The following ATP8B4 variants were observed in gnomAD, a reference collection of about 807,000 sequenced individuals.
ATP8B4 encodes probable phospholipid-transporting ATPase IM.
Under a neutral mutation model 145.6 loss-of-function variants are expected in ATP8B4, and 133 were observed. The ratio of observed to expected loss-of-function variants is 0.91; its 90% CI spans 0.79 to 1.05. The LOEUF is 1.05. Among genes scored for constraint, ATP8B4 ranks in the 50% least tolerant of loss-of-function variants. The pLI is 0.00. For missense variants in ATP8B4, 1,458 were observed against 1,425.2 expected, an observed-to-expected ratio of 1.02 and a Z score of -0.37; for synonymous variants, 507 against 492.9, an observed-to-expected ratio of 1.03 and a Z score of -0.38.
chr15:50,103,832 T>C (rs773950606), intron 2 of ATP8B4, among the ~76,000 whole-genome samples: 2 of 152,108 alleles, frequency 1.3e-5, no homozygotes, highest in Non-Finnish European at 2.9e-5. Flanking sequence ...CTTCAAACTA[T>C]ACTATAAGGC....
intron 2 of ATP8B4, among the ~76,000 whole-genome samples, chr15:50,084,995 T>C (rs964919077): frequency 1.3e-5 from 2 of 152,294 alleles, no homozygotes; most frequent in East Asian, 1.9e-4. Context: ...GGGACGTCAT[T>C]GGGGCAAGGG....
At chr15:50,070,475 G>A (rs900108453) in intron 3 of ATP8B4, among the ~76,000 whole-genome samples, 5 of 152,152 alleles carry the variant, frequency 3.3e-5, no homozygotes, top group African/African-American at 4.8e-5. Flanking sequence ...GCTGAGAGAG[G>A]CTCCACAGTT....
intron 2 of ATP8B4, among the ~76,000 whole-genome samples, chr15:50,104,984 G>A (rs961091247): frequency 2.6e-5 from 4 of 152,010 alleles, no homozygotes; most frequent in African/African-American, 9.7e-5. Context: ...ATTATTCTAA[G>A]TGAAGTAACT....
At chr15:50,009,190 T>G (rs2048535168) in intron 7 of ATP8B4, 1 of 152,236 alleles carries the variant, frequency 6.6e-6, no homozygotes, top group Admixed American at 6.6e-5. Flanking sequence ...ATATATGTGA[T>G]CTTTAATTAG....
intron 1 of ATP8B4, among the ~76,000 whole-genome samples, chr15:50,158,711 T>C (rs2140835061): frequency 6.6e-6 from 1 of 152,362 alleles, no homozygotes; most frequent in African/African-American, 2.4e-5. Context: ...TTGCTGTGTC[T>C]GGGTAGAAAG....
intron 14 of ATP8B4, among the ~76,000 whole-genome samples, chr15:49,959,828 G>A (rs146248939): frequency 1.4e-4 from 21 of 152,176 alleles, no homozygotes; most frequent in Non-Finnish European, 2.6e-4. Context: ...TACATACTGT[G>A]TTCTTGGATA....
At chr15:50,010,987 C>A in intron 6 of ATP8B4, 70 bp from the exon 7 acceptor site, 1 of 1,061,066 alleles carries the variant, frequency 9.4e-7, no homozygotes, top group South Asian at 1.7e-5. Flanking sequence ...GGAATGTATT[C>A]ACAATGTAGC....
chr15:50,046,364 G>A (rs1600056300), intron 4 of ATP8B4, among the ~76,000 whole-genome samples: 1 of 152,054 alleles, frequency 6.6e-6, no homozygotes, highest in Non-Finnish European at 1.5e-5. Context: ...CCACCAAGTA[G>A]AGGGCCTACC....
At chr15:50,041,337 T>G (rs1315904866) in intron 5 of ATP8B4, among the ~76,000 whole-genome samples, 2 of 152,252 alleles carry the variant, frequency 1.3e-5, no homozygotes, top group Admixed American at 1.3e-4. Flanking sequence ...AGAATTGAGC[T>G]CTATGTCCTT....
At chr15:50,063,057 T>C (rs1190402830) in intron 3 of ATP8B4, among the ~76,000 whole-genome samples, 3 of 150,912 alleles carry the variant, frequency 2.0e-5, no homozygotes, top group African/African-American at 4.9e-5. Context: ...GTAGAAATAA[T>C]CTAAACCAGC....
At chr15:50,098,487 T>G (rs550055042) in intron 2 of ATP8B4, among the ~76,000 whole-genome samples, 2 of 151,838 alleles carry the variant, frequency 1.3e-5, no homozygotes, top group African/African-American at 4.8e-5. Context: ...TATTGCTATG[T>G]GGCCCAGGCT....
intron 2 of ATP8B4, among the ~76,000 whole-genome samples, chr15:50,105,942 G>A (rs2153667478): frequency 6.6e-6 from 1 of 151,856 alleles, no homozygotes; most frequent in South Asian, 2.1e-4. Context: ...AAAAAAATGG[G>A]TGGCAATAAT....
At chr15:50,000,125 T>C (rs531734425) in intron 8 of ATP8B4, among the ~76,000 whole-genome samples, 12 of 152,316 alleles carry the variant, frequency 7.9e-5, no homozygotes, top group African/African-American at 2.9e-4. Context: ...GTTGTTTTCA[T>C]TTCTGGATGT....
At chr15:50,083,093 T>C (rs1484834425) in intron 2 of ATP8B4, among the ~76,000 whole-genome samples, 3 of 152,122 alleles carry the variant, frequency 2.0e-5, no homozygotes, top group Admixed American at 6.5e-5. Flanking sequence ...ATACTCCAGA[T>C]GTACATCAAA....
At chr15:49,939,136 T>A (rs2041961964) in intron 14 of ATP8B4, among the ~76,000 whole-genome samples, 1 of 151,990 alleles carries the variant, frequency 6.6e-6, no homozygotes, top group Non-Finnish European at 1.5e-5. Flanking sequence ...GCTAAACAAT[T>A]TCCTTAAAAA....
intron 6 of ATP8B4, among the ~76,000 whole-genome samples, chr15:50,016,799 A>G (rs958392583): frequency 6.6e-6 from 1 of 152,190 alleles, no homozygotes; most frequent in Non-Finnish European, 1.5e-5. Context: ...GACAGCTGGG[A>G]AAATATGTTC....
intron 3 of ATP8B4, among the ~76,000 whole-genome samples, chr15:50,059,112 T>C (rs1354673138): frequency 6.6e-6 from 1 of 152,216 alleles, no homozygotes; most frequent in African/African-American, 2.4e-5. Flanking sequence ...TGAGATAGTC[T>C]GAGTTAAATA....
intron 25 of ATP8B4, 89 bp from the exon 26 acceptor site, chr15:49,866,573 T>G: frequency 1.3e-6 from 2 of 1,507,762 alleles, no homozygotes; most frequent in Non-Finnish European, 9.0e-7. Flanking sequence ...AACTGCCCTG[T>G]GGCAGGAAGT....
intron 1 of ATP8B4, among the ~76,000 whole-genome samples, chr15:50,160,009 T>C (rs2044491402): frequency 7.3e-6 from 1 of 136,978 alleles, no homozygotes; most frequent in African/African-American, 2.7e-5. Flanking sequence ...CAGCATCAGG[T>C]CCTGGCTTTT....
Sources: gnomAD v4.1 joint callset for allele counts (sites outside exome capture counted in the v4.1 genomes callset) on GRCh38, gnomAD v4.1.1 for gene constraint, MANE v1.5 for transcripts, NCBI Gene and HGNC (gene_info 2026-07-23, HGNC 2026-07-21) for gene names.